The following RNF212B variants were observed in gnomAD, a reference collection of about 807,000 sequenced individuals.
RNF212B encodes the protein E3 ubiquitin-protein ligase RNF212B.
A neutral mutation model predicts 55.5 loss-of-function variants in RNF212B; 52 were observed. The ratio of observed to expected loss-of-function variants is 0.94; its 90% CI spans 0.75 to 1.18. The LOEUF is 1.18. RNF212B is among the 50% of genes most tolerant of loss of function. RNF212B has a pLI of 0.00. For synonymous variants in RNF212B, 99 were observed against 121.4 expected (o/e 0.82, Z 1.21); for missense variants, 289 against 350.4 (o/e 0.82, Z 1.40).
rs1279291815 is a variant in RNF212B at position 23,258,672 on chromosome 14, A to G, written c.344+8A>G. 7.4e-7 allele frequency: 1 copy of G among 1,349,382 alleles called. No individual in the cohort carries two copies. The allele number at this position is 1,349,382 out of a possible 1,614,324, so 83.6% of individuals were successfully genotyped here. A position where few individuals can be genotyped will look rare whatever the true frequency, so the allele number is the denominator to read the frequency against. On this transcript the variant is annotated splice_region_variant and intron_variant, in intron 5 of 14. Coordinates refer to ENST00000430154, the MANE Select transcript of RNF212B (RefSeq NM_001282322.3). ...ACTGGTGAGCCAGGACAAGTAAGTA[A>G]CAAATCAAGTCCCAAGAGAGCTTTT...
intron 2 of RNF212B, among the ~76,000 whole-genome samples, chr14:23,220,091 C>T (rs949171040): frequency 3.3e-5 from 5 of 151,570 alleles, no homozygotes; most frequent in Admixed American, 6.6e-5. Context: ...GGCTGAGGCA[C>T]GAGTATCCCT....
chr14:23,235,214 GAA>G (rs34181212), upstream of RNF212B, among the ~76,000 whole-genome samples: 26 of 147,486 alleles, frequency 1.8e-4, 1 homozygote, highest in African/African-American at 3.7e-4. Flanking sequence ...TCTGTCTCAG[GAA>G]AAAAAAAAAA....
intron 14 of RNF212B, among the ~76,000 whole-genome samples, chr14:23,271,248 G>C (rs1164576923): frequency 1.3e-5 from 2 of 152,060 alleles, no homozygotes. Flanking sequence ...AGACCAGCCT[G>C]ACCAATATGG....
intron 2 of RNF212B, among the ~76,000 whole-genome samples, chr14:23,207,518 G>C (rs1364080210): frequency 6.6e-6 from 1 of 152,148 alleles, no homozygotes; most frequent in Non-Finnish European, 1.5e-5. Flanking sequence ...CACCAAATTT[G>C]GGGAGATCAG....
chr14:23,270,669 C>T lies in RNF212B; in HGVS notation c.834+8C>T. On this transcript the variant is annotated splice_region_variant and intron_variant, in intron 14 of 14. Transcript: ENST00000430154. ...CAGCTACCAGTCCTGCAGGTGAGAC[C>T]TGGCTAGTCTAACTTGTCTGTGCAT... 1 of 1,540,652 alleles carries T rather than the reference C, an allele frequency of 6.5e-7. No individual in the cohort carries two copies. The highest frequency in any genetic ancestry group is 1.4e-5 in the African/African-American group (1 of 72,976).
At chr14:23,228,124 G>C (rs1234351015) in intron 2 of RNF212B, among the ~76,000 whole-genome samples, 1 of 151,978 alleles carries the variant, frequency 6.6e-6, no homozygotes, top group African/African-American at 2.4e-5. Context: ...CAGCTACTCA[G>C]GAGGCTGAGG....
intron 2 of RNF212B, among the ~76,000 whole-genome samples, chr14:23,221,846 T>C (rs554363354): frequency 6.6e-6 from 1 of 152,212 alleles, no homozygotes; most frequent in East Asian, 1.9e-4. Context: ...TTTTGGAAAG[T>C]ATATGAACAC....
At chr14:23,272,053 A>G (rs146812417) in intron 14 of RNF212B, among the ~76,000 whole-genome samples, 184 of 152,304 alleles carry the variant, frequency 1.2e-3, no homozygotes, top group African/African-American at 4.0e-3. Context: ...TAGAAATAAA[A>G]GATTGGCCAT....
At chr14:23,212,007 C>A (rs1216676298) in intron 2 of RNF212B, among the ~76,000 whole-genome samples, 1 of 152,256 alleles carries the variant, frequency 6.6e-6, no homozygotes. Flanking sequence ...GGATTACAGG[C>A]ATGAGCCACC....
chr14:23,260,778 A>G (rs1258599989), intron 7 of RNF212B, 91 bp downstream of exon 7: 1 of 1,161,920 alleles, frequency 8.6e-7, no homozygotes, highest in Admixed American at 2.2e-5. Flanking sequence ...AGAGAGAGAA[A>G]ATGGTTAATG....
intron 2 of RNF212B, among the ~76,000 whole-genome samples, chr14:23,204,787 G>A (rs914369270): frequency 6.6e-6 from 1 of 152,022 alleles, no homozygotes; most frequent in Non-Finnish European, 1.5e-5. Flanking sequence ...GATGGGGATT[G>A]TGTTGTATTT....
At chr14:23,229,806 C>T (rs1882399791) in intron 2 of RNF212B, among the ~76,000 whole-genome samples, 1 of 152,122 alleles carries the variant, frequency 6.6e-6, no homozygotes, top group African/African-American at 2.4e-5. Context: ...TGAACCCAGA[C>T]TACTAGCGCA....
chr14:23,221,243 A>T (rs946353955), intron 2 of RNF212B, among the ~76,000 whole-genome samples: 1 of 151,890 alleles, frequency 6.6e-6, no homozygotes, highest in Non-Finnish European at 1.5e-5. Flanking sequence ...GAAAAAAAAA[A>T]AAAAAGAAAG....
chr14:23,212,378 TAA>T (rs1216675813), intron 2 of RNF212B, among the ~76,000 whole-genome samples: 1 of 152,110 alleles, frequency 6.6e-6, no homozygotes, highest in Non-Finnish European at 1.5e-5. Flanking sequence ...AAGTAAAACT[TAA>T]AAGTGTTTTT....
At chr14:23,186,528 T>G (rs926653547) in intron 1 of RNF212B, among the ~76,000 whole-genome samples, 1 of 152,136 alleles carries the variant, frequency 6.6e-6, no homozygotes, top group Non-Finnish European at 1.5e-5. Flanking sequence ...TTTTGTGTTT[T>G]TAGTAGAGAC....
intron 2 of RNF212B, among the ~76,000 whole-genome samples, chr14:23,220,684 G>T (rs1881486790): frequency 6.6e-6 from 1 of 151,882 alleles, no homozygotes. Flanking sequence ...AATTAGCTGG[G>T]CGTGGTGGCG....
chr14:23,252,322 T>G (rs1028064038), intron 4 of RNF212B, among the ~76,000 whole-genome samples: 1 of 152,128 alleles, frequency 6.6e-6, no homozygotes, highest in Non-Finnish European at 1.5e-5. Flanking sequence ...GAAGACCATA[T>G]ATGTATTTCT....
intron 2 of RNF212B, among the ~76,000 whole-genome samples, chr14:23,218,602 G>C (rs1881300213): frequency 6.6e-6 from 1 of 151,908 alleles, no homozygotes; most frequent in African/African-American, 2.4e-5. Context: ...GAAGTGAGAT[G>C]CTGTCTCAAA....
intron 9 of RNF212B, 128 bp from the exon 10 acceptor site, chr14:23,264,046 C>A: frequency 1.6e-6 from 1 of 643,528 alleles, no homozygotes; most frequent in East Asian, 2.9e-5. Context: ...TAAGCTTGTG[C>A]CATTGTGCTC....
Sources: gnomAD v4.1 joint callset for allele counts (sites outside exome capture counted in the v4.1 genomes callset) on GRCh38, gnomAD v4.1.1 for gene constraint, MANE v1.5 for transcripts, NCBI Gene and HGNC (gene_info 2026-07-23, HGNC 2026-07-21) for gene names.